Variants in OTOF observed in about 807,000 individuals in gnomAD.
The protein encoded by OTOF is fer-1-like family member 2.
Under a neutral mutation model 236.8 loss-of-function variants are expected in OTOF, and 218 were observed. That is an observed-to-expected ratio of 0.92 (90% CI 0.82 to 1.03). OTOF has a LOEUF of 1.03. OTOF is among the 50% of genes least tolerant of loss of function. OTOF has a pLI of 0.00. For synonymous variants in OTOF, 1,041 were observed against 1,072.5 expected, an observed-to-expected ratio of 0.97 and a Z score of 0.57; for missense variants, 2,590 against 2,694.4, an observed-to-expected ratio of 0.96 and a Z score of 0.86.
rs769723512 is a variant in OTOF, at chr2:26,482,572, C to G, written c.1413G>C (p.Lys471Asn). 10 of 1,613,116 alleles carry G rather than the reference C, an allele frequency of 6.2e-6. No homozygotes were observed. The highest frequency in any genetic ancestry group is 7.6e-6 in the Non-Finnish European group (9 of 1,179,882). ...AGQKGKTSVQ[K>N]SSYEPLWNEQ... ...CATTCCACAGGGGCTCATAGCTGCTCTTCTGCACTGAAGTCTTGCCCTGGT... is the reference window on the plus strand; with the variant it reads ...CATTCCACAGGGGCTCATAGCTGCTGTTCTGCACTGAAGTCTTGCCCTGGT... The change falls in exon 14 of 47, where the codon AAG (lysine) becomes AAC (asparagine). Residue 471 changes from lysine to asparagine, a missense_variant. Around this residue, in one of 2 missense-constraint regions of OTOF, gnomAD observed 1,379 missense variants for 1,341.6 expected, o/e 1.03. Coordinates refer to ENST00000272371, the MANE Select transcript of OTOF (RefSeq NM_194248.3).
intron 36 of OTOF, 94 bp from the exon 37 acceptor site, chr2:26,466,170 A>G: frequency 6.6e-7 from 1 of 1,515,884 alleles, no homozygotes; most frequent in Non-Finnish European, 9.1e-7. Flanking sequence ...ATGACAGTGA[A>G]GGGCAGGGGC....
intron 4 of OTOF, among the ~76,000 whole-genome samples, chr2:26,518,735 C>T (rs1044058221): frequency 6.6e-6 from 1 of 152,244 alleles, no homozygotes; most frequent in East Asian, 1.9e-4. Flanking sequence ...GACTCCTGAG[C>T]TGGGTCCAAA....
chr2:26,489,877 C>A (rs370386698), intron 9 of OTOF, 137 bp from the exon 10 acceptor site: 13 of 727,190 alleles, frequency 1.8e-5, no homozygotes, highest in Non-Finnish European at 3.0e-5. Flanking sequence ...AGAGGAGCAG[C>A]AGAGGCAACT....
intron 10 of OTOF, among the ~76,000 whole-genome samples, 168 bp downstream of exon 10, chr2:26,489,510 G>C (rs1388038774): frequency 6.6e-6 from 1 of 152,248 alleles, no homozygotes; most frequent in African/African-American, 2.4e-5. Context: ...CCAATGAAAG[G>C]GGTGGGTGGG....
Position 26,465,036 on chromosome 2 carries a change from G to C in OTOF, c.4800-7C>G. 1 of 1,469,942 alleles carries C rather than the reference G, an allele frequency of 6.8e-7. No homozygotes were observed. The highest frequency in any genetic ancestry group is 1.5e-5 in the South Asian group (1 of 65,410). The allele number at this position is 1,469,942 out of a possible 1,614,324, so 91.1% of individuals were successfully genotyped here. ...CCAGATATTGTAGCCATGTCTGTGG[G>C]AGGGGACACACAGGCTTGGAGGGGC... On this transcript the variant is annotated splice_region_variant and splice_polypyrimidine_tract_variant and intron_variant, in intron 38 of 46. Transcript: ENST00000272371.
intron 5 of OTOF, among the ~76,000 whole-genome samples, chr2:26,514,166 C>T (rs1362921115): frequency 6.6e-6 from 1 of 152,264 alleles, no homozygotes; most frequent in East Asian, 1.9e-4. Flanking sequence ...GATGCCTGTC[C>T]CCAATGTGCT....
chr2:26,498,270 G>C (rs1666037326), intron 8 of OTOF, among the ~76,000 whole-genome samples: 1 of 152,206 alleles, frequency 6.6e-6, no homozygotes, highest in South Asian at 2.1e-4. Flanking sequence ...GGTGGGCAGA[G>C]GCTTGAAGGA....
chr2:26,500,614 G>T (rs79921030), intron 8 of OTOF, among the ~76,000 whole-genome samples: 2,566 of 152,306 alleles, frequency 0.017, 67 homozygotes, highest in African/African-American at 0.059. Context: ...AACCACAGGG[G>T]CAGGTCCGTT....
rs768916840 is a variant in OTOF, at chr2:26,483,563, G to A, written c.1291C>T (p.Arg431Cys). The part of the protein sequence containing the change: ...VKIYRAEGLP[R>C]MNTSLMANVK... ...TTGGCCATGAGGCTTGTGTTCATAC[G>A]GGGCAGCCCCTCTGCTCGGTAAATT... The change falls in exon 13 of 47, where the codon CGT (arginine) becomes TGT (cysteine). Residue 431 changes from arginine to cysteine, a missense_variant. Arg to Cys is a radical substitution (Grantham distance 180). Coordinates refer to ENST00000272371, the MANE Select transcript of OTOF (RefSeq NM_194248.3). 19 of 1,613,910 alleles carry A rather than the reference G, an allele frequency of 1.2e-5. No individual in the cohort carries two copies. The highest frequency in any genetic ancestry group is 3.3e-5 in the Admixed American group (2 of 60,014).
intron 11 of OTOF, among the ~76,000 whole-genome samples, chr2:26,485,162 G>A (rs1158782040): frequency 6.6e-6 from 1 of 152,244 alleles, no homozygotes; most frequent in Non-Finnish European, 1.5e-5. Context: ...AGGTGTTGCG[G>A]TTTTATATGC....
At chr2:26,515,470 AG>A (rs1180469409) in intron 5 of OTOF, among the ~76,000 whole-genome samples, 1 of 152,200 alleles carries the variant, frequency 6.6e-6, no homozygotes, top group Non-Finnish European at 1.5e-5. Context: ...GGGGTGCTTA[AG>A]GGGGTGTGAA....
intron 5 of OTOF, 141 bp downstream of exon 5, chr2:26,516,276 AC>A: frequency 1.3e-6 from 1 of 781,908 alleles, no homozygotes; most frequent in Non-Finnish European, 2.1e-6. Flanking sequence ...ACATCTTCCC[AC>A]CCCTTGGATG....
chr2:26,482,964 T>G (rs1253429357), intron 13 of OTOF, among the ~76,000 whole-genome samples: 3 of 148,470 alleles, frequency 2.0e-5, no homozygotes, highest in Non-Finnish European at 4.5e-5. Flanking sequence ...TGTGCACGTG[T>G]GAGTGGGTAT....
At chr2:26,539,787 G>C (rs1004838470) in intron 1 of OTOF, among the ~76,000 whole-genome samples, 1 of 152,168 alleles carries the variant, frequency 6.6e-6, no homozygotes, top group African/African-American at 2.4e-5. Context: ...TGGGGAGGGA[G>C]AGTGAGAAGA....
At chr2:26,541,159 G>A (rs190621929) in intron 1 of OTOF, among the ~76,000 whole-genome samples, 31 of 152,356 alleles carry the variant, frequency 2.0e-4, no homozygotes, top group African/African-American at 7.5e-4. Context: ...ACCCAGCGGA[G>A]GATTGGGAGA....
At chr2:26,479,797 A>G (rs1665479293) in intron 16 of OTOF, 144 bp from the exon 17 acceptor site, 9 of 785,428 alleles carry the variant, frequency 1.1e-5, no homozygotes, top group Non-Finnish European at 1.9e-5. Flanking sequence ...CATTAGCCAG[A>G]GAGCATTAGC....
intron 1 of OTOF, 121 bp from the exon 2 acceptor site, chr2:26,537,895 C>T: frequency 1.3e-6 from 1 of 770,540 alleles, no homozygotes; most frequent in East Asian, 2.7e-5. Context: ...AACATGGGAC[C>T]TCGTGGCTTG....
At chr2:26,520,100 T>G (rs1433891770) in intron 3 of OTOF, among the ~76,000 whole-genome samples, 1 of 152,226 alleles carries the variant, frequency 6.6e-6, no homozygotes, top group Non-Finnish European at 1.5e-5. Flanking sequence ...TGTTTGTTGC[T>G]CTGGGAGAGA....
intron 2 of OTOF, among the ~76,000 whole-genome samples, chr2:26,532,102 A>C (rs972135648): frequency 1.3e-5 from 2 of 149,410 alleles, no homozygotes; most frequent in Non-Finnish European, 2.9e-5. Context: ...CAAAAAAAAA[A>C]AAAAAAAAAA....
Sources: gnomAD v4.1 joint callset for allele counts (sites outside exome capture counted in the v4.1 genomes callset) on GRCh38, gnomAD v4.1.1 for gene constraint, gnomAD v4.1.1 regional missense constraint, MANE v1.5 for transcripts, NCBI Gene and HGNC (gene_info 2026-07-23, HGNC 2026-07-21) for gene names.